Variants in NBEA observed in about 807,000 individuals in gnomAD.
NBEA encodes lysosomal-trafficking regulator 2.
A neutral mutation model predicts 343.4 loss-of-function variants in NBEA; 44 were observed. The ratio of observed to expected loss-of-function variants is 0.13; its 90% CI spans 0.10 to 0.16. NBEA has a LOEUF of 0.16. Among genes scored for constraint, NBEA ranks in the 10% least tolerant of loss-of-function variants. The pLI, the probability that NBEA is intolerant of heterozygous loss-of-function variation, is 1.00. For missense variants in NBEA, 2,555 were observed against 3,631.3 expected, an observed-to-expected ratio of 0.70 and a Z score of 7.62; for synonymous variants, 1,175 against 1,238.7, an observed-to-expected ratio of 0.95 and a Z score of 1.08.
chr13:35,655,054 T>C (rs763540558), intron 54 of NBEA, 44 bp downstream of exon 54: 2 of 1,383,634 alleles, frequency 1.4e-6, no homozygotes, highest in East Asian at 2.7e-5. Flanking sequence ...AAAATGACTA[T>C]TGTTAAAACC....
chr13:34,990,803 A>G (rs1223764665), intron 1 of NBEA, among the ~76,000 whole-genome samples: 3 of 152,168 alleles, frequency 2.0e-5, no homozygotes. Context: ...TTTAAGTATA[A>G]GTTCCAGTTT....
intron 20 of NBEA, 53 bp downstream of exon 20, chr13:35,156,259 C>G (rs2069165543): frequency 8.3e-6 from 12 of 1,443,128 alleles, no homozygotes; most frequent in Non-Finnish European, 1.1e-5. Flanking sequence ...AATATTTTCT[C>G]TCTTTTAGAT....
At chr13:35,524,978 T>G (rs2077899142) in intron 41 of NBEA, among the ~76,000 whole-genome samples, 2 of 152,158 alleles carry the variant, frequency 1.3e-5, no homozygotes, top group South Asian at 4.1e-4. Flanking sequence ...TTTTTTTAAT[T>G]TAGAGAACTA....
At chr13:35,561,310 A>G (rs2079846649) in intron 44 of NBEA, among the ~76,000 whole-genome samples, 1 of 152,164 alleles carries the variant, frequency 6.6e-6, no homozygotes, top group African/African-American at 2.4e-5. Context: ...GAATTACTGG[A>G]CGAGGGATTC....
intron 6 of NBEA, among the ~76,000 whole-genome samples, chr13:35,052,533 A>C (rs930380382): frequency 2.0e-5 from 3 of 151,668 alleles, no homozygotes; most frequent in Non-Finnish European, 4.4e-5. Flanking sequence ...TCTTTCTTTT[A>C]TAAATTTCTT....
At chr13:35,295,246 G>A (rs1594108808) in intron 35 of NBEA, among the ~76,000 whole-genome samples, 1 of 151,036 alleles carries the variant, frequency 6.6e-6, no homozygotes, top group South Asian at 2.1e-4. Context: ...ATAAAATATT[G>A]TAGTGTGTTA....
At chr13:35,400,732 G>T (rs932940474) in intron 38 of NBEA, among the ~76,000 whole-genome samples, 2 of 151,998 alleles carry the variant, frequency 1.3e-5, no homozygotes, top group African/African-American at 4.8e-5. Flanking sequence ...CTCTGGAAAT[G>T]TTGGAATGGG....
chr13:35,669,957 A>G (rs571758642), intron 58 of NBEA, among the ~76,000 whole-genome samples: 5 of 152,234 alleles, frequency 3.3e-5, no homozygotes, highest in African/African-American at 1.2e-4. Context: ...GAGCATATTC[A>G]AAGTTGCAGT....
At chr13:35,594,336 C>T (rs12870760) in intron 47 of NBEA, among the ~76,000 whole-genome samples, 4 of 151,994 alleles carry the variant, frequency 2.6e-5, no homozygotes, top group African/African-American at 9.7e-5. Flanking sequence ...CATATTTATG[C>T]TTCTCTATTG....
At chr13:35,099,284 C>T (rs1481369579) in intron 11 of NBEA, among the ~76,000 whole-genome samples, 2 of 149,254 alleles carry the variant, frequency 1.3e-5, no homozygotes, top group East Asian at 2.0e-4. Context: ...CTGCAAGCTC[C>T]GCCTCCCAGG....
chr13:35,333,905 A>G (rs548868577), intron 36 of NBEA, among the ~76,000 whole-genome samples: 1 of 152,162 alleles, frequency 6.6e-6, no homozygotes, highest in East Asian at 1.9e-4. Context: ...ATATTACTCC[A>G]TTGTGTACAA....
At chr13:35,114,195 T>C (rs2066381026) in intron 13 of NBEA, among the ~76,000 whole-genome samples, 1 of 152,148 alleles carries the variant, frequency 6.6e-6, no homozygotes, top group Non-Finnish European at 1.5e-5. Context: ...ATGATGTTTA[T>C]ATCTATGTAT....
intron 7 of NBEA, among the ~76,000 whole-genome samples, chr13:35,057,041 T>C (rs1337103919): frequency 2.0e-5 from 3 of 152,100 alleles, no homozygotes; most frequent in African/African-American, 7.2e-5. Context: ...ACCTCAAGGG[T>C]CCTTACGGTT....
At chr13:35,370,770 T>A (rs1317432500) in intron 38 of NBEA, among the ~76,000 whole-genome samples, 2 of 152,126 alleles carry the variant, frequency 1.3e-5, no homozygotes, top group Non-Finnish European at 2.9e-5. Context: ...TGCTTCCAAG[T>A]ATAGGACTCC....
chr13:35,625,222 A>C (rs539373443), intron 48 of NBEA, among the ~76,000 whole-genome samples: 4 of 152,368 alleles, frequency 2.6e-5, no homozygotes, highest in African/African-American at 9.6e-5. Context: ...CAAAATTAAG[A>C]AAATATATCC....
chr13:34,952,562 A>G (rs2152484638), intron 1 of NBEA, among the ~76,000 whole-genome samples: 1 of 152,294 alleles, frequency 6.6e-6, no homozygotes, highest in African/African-American at 2.4e-5. Context: ...TATATATTGG[A>G]GGTAATTATT....
At chr13:35,530,966 G>C (rs1456316595) in intron 41 of NBEA, among the ~76,000 whole-genome samples, 1 of 152,130 alleles carries the variant, frequency 6.6e-6, no homozygotes. Flanking sequence ...GTGTTCATAG[G>C]CTTCGACGTC....
chr13:35,320,258 G>C (rs2038043847), intron 36 of NBEA, among the ~76,000 whole-genome samples: 1 of 152,114 alleles, frequency 6.6e-6, no homozygotes, highest in Non-Finnish European at 1.5e-5. Flanking sequence ...CATATTTACT[G>C]TTTCCTTCGG....
chr13:35,041,720 C>T (rs1374409728), intron 2 of NBEA, among the ~76,000 whole-genome samples: 1 of 151,854 alleles, frequency 6.6e-6, no homozygotes, highest in South Asian at 2.1e-4. Flanking sequence ...GATAAAAATA[C>T]TAATGTTTTG....
Sources: gnomAD v4.1 joint callset for allele counts (sites outside exome capture counted in the v4.1 genomes callset) on GRCh38, gnomAD v4.1.1 for gene constraint, MANE v1.5 for transcripts, NCBI Gene and HGNC (gene_info 2026-07-23, HGNC 2026-07-21) for gene names.